Variants in URB1 observed in about 807,000 individuals in gnomAD.
The protein encoded by URB1 is nucleolar pre-ribosomal-associated protein 1.
In URB1, 197 loss-of-function variants were observed where a neutral mutation model predicts 242.3. That is an observed-to-expected ratio of 0.81 (90% CI 0.72 to 0.91). The LOEUF is 0.91. Ranked by LOEUF, URB1 falls within the 40% of genes least tolerant of loss-of-function variation. URB1 has a pLI of 0.00. For missense variants in URB1, 2,721 were observed against 2,860.5 expected (o/e 0.95, Z 1.11); for synonymous variants, 1,153 against 1,201.8 (o/e 0.96, Z 0.84).
At chr21:32,361,154 G>GAA (rs1473453183) in intron 12 of URB1, 31 bp from the exon 13 acceptor site, 7 of 261,272 alleles carry the variant, frequency 2.7e-5, no homozygotes, top group Non-Finnish European at 3.9e-5. Flanking sequence ...GAAAGAAAAA[G>GAA]AGAAAAAAGA....
chr21:32,388,572 G>A (rs879754955), intron 1 of URB1, among the ~76,000 whole-genome samples: 6 of 152,218 alleles, frequency 3.9e-5, no homozygotes, highest in Admixed American at 6.5e-5. Flanking sequence ...CGTCTGCAGC[G>A]TGGTCTGGTG....
intron 12 of URB1, 78 bp downstream of exon 12, chr21:32,361,814 A>C: frequency 1.3e-6 from 2 of 1,487,814 alleles, no homozygotes; most frequent in Non-Finnish European, 1.8e-6. Flanking sequence ...CTCTCTGGAT[A>C]GGAGCTATCC....
chr21:32,390,465 TG>T (rs971185440), intron 1 of URB1, among the ~76,000 whole-genome samples: 6 of 143,014 alleles, frequency 4.2e-5, no homozygotes, highest in Non-Finnish European at 7.5e-5. Context: ...CACTTTTTGA[TG>T]GGGTTTTTTT....
chr21:32,350,704 C>A lies in URB1; in HGVS notation c.2832G>T (p.Gln944His). 6.4e-7 allele frequency: 1 copy of A among 1,550,846 alleles called. No individual in the cohort carries two copies. Among genetic ancestry groups the A allele is most frequent in the Non-Finnish European group, 8.7e-7 (1 of 1,146,538 alleles). Reference sequence around the variant, plus strand: ...TGTGGAGGATGGGGGCAACGCTGACCTGGCCGAAGTTCTCCACAGTGCTCC... The same window carrying A: ...TGTGGAGGATGGGGGCAACGCTGACATGGCCGAAGTTCTCCACAGTGCTCC... ...YLRSTVENFG[Q>H]LGRSVGPPLL... The change falls in exon 20 of 39, where the codon CAG (glutamine) becomes CAT (histidine). Residue 944 changes from glutamine to histidine, a missense_variant and splice_region_variant. By Grantham distance (24) the Gln-to-His change is conservative. Transcript: ENST00000382751.
Position 32,355,548 on chromosome 21 carries a change from C to G in URB1, c.2007G>C (p.Gly669=). ...GCTCCTTCCAGGTGTGCTCAAACACCCCCGTGTCCCGCAGAATCTGCCAGG... is the reference window on the plus strand; with the variant it reads ...GCTCCTTCCAGGTGTGCTCAAACACGCCCGTGTCCCGCAGAATCTGCCAGG... The part of the protein sequence containing the change: ...LLIMKILRDT[G]VFEHTWKELE... Residue 669 remains glycine, a synonymous_variant, in exon 16 of 39, where the codon GGG becomes GGC. Transcript: ENST00000382751. The G allele has an allele frequency of 6.4e-7, 1 of 1,551,698 alleles. No individual in the cohort carries two copies. The highest frequency in any genetic ancestry group is 1.2e-5 in the South Asian group (1 of 84,064).
chr21:32,375,800 G>A (rs1487649782), intron 5 of URB1, among the ~76,000 whole-genome samples: 1 of 151,874 alleles, frequency 6.6e-6, no homozygotes, highest in Non-Finnish European at 1.5e-5. Flanking sequence ...TTAAAAATTA[G>A]CTGGGTATGG....
At chr21:32,348,154 C>T (rs963032869) in intron 21 of URB1, among the ~76,000 whole-genome samples, 5 of 152,172 alleles carry the variant, frequency 3.3e-5, no homozygotes, top group Admixed American at 2.6e-4. Flanking sequence ...GGGAAAAGTG[C>T]TCTCTATGGT....
rs548343760 is a variant in URB1, at chr21:32,388,976, T to A, written c.143-3292A>T. On this transcript the variant is annotated intron_variant, in intron 1 of 38. Transcript: ENST00000382751. ...TACCCACATGGTCCTTACAATCTAA[T>A]GATAGAGACCAATGTGAGTATTTAT... 5.3e-5 allele frequency among the ~76,000 whole-genome samples: 8 copies of A among 152,338 alleles called. No homozygotes were observed. In the South Asian group the frequency reaches 1.7e-3, roughly 32 times the overall value.
chr21:32,316,717 T>C lies in URB1; in HGVS notation c.6383A>G (p.His2128Arg), dbSNP rs2032692563. Reference protein sequence around the residue: ...AAGLIGWLKSHILPHPVVVAD... With the variant: ...AAGLIGWLKSRILPHPVVVAD... Reference sequence around the variant, plus strand: ...CACGACCACAGGGTGTGGCAAAATATGGCTCTTAAGCCAGCCAATGAGTCC... The same window carrying C: ...CACGACCACAGGGTGTGGCAAAATACGGCTCTTAAGCCAGCCAATGAGTCC... Residue 2128 changes from histidine (H) to arginine (R), a missense_variant, in exon 38 of 39, where the codon CAT becomes CGT. His to Arg is a conservative substitution (Grantham distance 29). Transcript: ENST00000382751. 3 of 1,551,232 alleles carry C rather than the reference T, an allele frequency of 1.9e-6. No homozygotes were observed. Among genetic ancestry groups the C allele is most frequent in the Non-Finnish European group, 2.6e-6 (3 of 1,146,884 alleles).
At chr21:32,319,450 T>A (rs1252056980) in intron 35 of URB1, 36 bp from the exon 36 acceptor site, 2 of 1,467,454 alleles carry the variant, frequency 1.4e-6, no homozygotes, top group Admixed American at 2.7e-5. Flanking sequence ...ATCCGCCACA[T>A]CCTGACCTTT....
At chr21:32,332,862 C>T (rs1239867106) in intron 30 of URB1, among the ~76,000 whole-genome samples, 1 of 152,112 alleles carries the variant, frequency 6.6e-6, no homozygotes, top group Non-Finnish European at 1.5e-5. Flanking sequence ...CTTTCTCTCC[C>T]CACAACCCAT....
chr21:32,382,110 G>A (rs1043071919), intron 4 of URB1, among the ~76,000 whole-genome samples: 1 of 152,150 alleles, frequency 6.6e-6, no homozygotes, highest in African/African-American at 2.4e-5. Flanking sequence ...CTTCAGGACG[G>A]GAAGCCCTTT....
chr21:32,392,987 A>G lies in URB1; in HGVS notation c.-77T>C. 2 of 1,411,686 alleles carry G rather than the reference A, an allele frequency of 1.4e-6. No homozygotes were observed. The highest frequency in any genetic ancestry group is 1.5e-5 in the African/African-American group (1 of 67,822). 87.4% of individuals were successfully genotyped at this position (1,411,686 alleles called of 1,614,324 possible). ...AGGAGCACTGGCACAGACAGCAGACACGCGCTTCAGGCCCACATGGCGCAG... is the reference window on the plus strand; with the variant it reads ...AGGAGCACTGGCACAGACAGCAGACGCGCGCTTCAGGCCCACATGGCGCAG... On this transcript the variant is annotated 5_prime_UTR_variant, in exon 1 of 39. Transcript: ENST00000382751.
chr21:32,378,897 C>T (rs1359627071), intron 4 of URB1, among the ~76,000 whole-genome samples: 1 of 152,152 alleles, frequency 6.6e-6, no homozygotes, highest in Non-Finnish European at 1.5e-5. Flanking sequence ...TGCCTAGATC[C>T]ATCTCCTCTC....
intron 25 of URB1, among the ~76,000 whole-genome samples, chr21:32,339,871 T>G (rs2033008844): frequency 2.6e-5 from 4 of 152,188 alleles, no homozygotes; most frequent in African/African-American, 9.7e-5. Flanking sequence ...TGAGAACAGC[T>G]GCGCCTGAGA....
rs1214466682 is a variant in URB1, at chr21:32,316,933, T to C, written c.6167A>G (p.Lys2056Arg). The part of the protein sequence containing the change: ...ELMASTLETC[K>R]GLLRSILTYW... The stretch of plus-strand genomic sequence containing the variant: ...AGTCAAGATGGACCTCAGGAGGCCC[T>C]TGCATGTCTCCAAGGTAGATGCCAT... The change falls in exon 38 of 39, where the codon AAG (lysine) becomes AGG (arginine). Residue 2056 changes from lysine (K) to arginine (R), a missense_variant. Lys to Arg is a conservative substitution (Grantham distance 26). Transcript: ENST00000382751. 8.4e-6 allele frequency: 13 copies of C among 1,551,690 alleles called. No homozygotes were observed. The highest frequency in any genetic ancestry group is 1.1e-5 in the Non-Finnish European group (13 of 1,146,982).
intron 22 of URB1, among the ~76,000 whole-genome samples, chr21:32,345,782 A>T (rs937077209): frequency 6.6e-6 from 1 of 151,878 alleles, no homozygotes; most frequent in African/African-American, 2.4e-5. Context: ...CCCCTATCTC[A>T]TCAGTCAACA....
chr21:32,346,548 G>A (rs1201068379), intron 22 of URB1, among the ~76,000 whole-genome samples: 1 of 152,228 alleles, frequency 6.6e-6, no homozygotes, highest in Non-Finnish European at 1.5e-5. Flanking sequence ...AGAGAGAGCT[G>A]AACCCAGGCT....
chr21:32,370,617 G>A (rs2033395935), intron 8 of URB1, among the ~76,000 whole-genome samples: 1 of 152,230 alleles, frequency 6.6e-6, no homozygotes. Flanking sequence ...GAGGCAGAGA[G>A]GATGCCTAAC....
Sources: gnomAD v4.1 joint callset for allele counts (sites outside exome capture counted in the v4.1 genomes callset) on GRCh38, gnomAD v4.1.1 for gene constraint, MANE v1.5 for transcripts, NCBI Gene and HGNC (gene_info 2026-07-23, HGNC 2026-07-21) for gene names.